Variants in ADGRB3 observed in about 807,000 individuals in gnomAD.
ADGRB3 encodes adhesion G protein-coupled receptor B3, also known as brain-specific angiogenesis inhibitor 3.
A neutral mutation model predicts 193.4 loss-of-function variants in ADGRB3; 37 were observed. The ratio of observed to expected loss-of-function variants is 0.19; its 90% CI spans 0.15 to 0.25. ADGRB3 has a LOEUF of 0.25. Ranked by LOEUF, ADGRB3 falls within the 10% of genes least tolerant of loss-of-function variation. ADGRB3 has a pLI of 1.00. For synonymous variants in ADGRB3, 690 were observed against 644.2 expected (o/e 1.07, Z -1.08); for missense variants, 1,637 against 1,852.9 (o/e 0.88, Z 2.14).
At chr6:68,687,525 C>A (rs1248134430) in intron 3 of ADGRB3, among the ~76,000 whole-genome samples, 1 of 151,882 alleles carries the variant, frequency 6.6e-6, no homozygotes, top group Non-Finnish European at 1.5e-5. Context: ...ATGTTTGTGT[C>A]TAAATTTTGG....
intron 17 of ADGRB3, among the ~76,000 whole-genome samples, chr6:69,167,892 C>A (rs537949584): frequency 3.3e-5 from 5 of 152,176 alleles, no homozygotes; most frequent in African/African-American, 9.6e-5. Context: ...TTTTAGGCAG[C>A]CTCAATGAGT....
chr6:68,911,323 C>T (rs1378608788), intron 3 of ADGRB3, among the ~76,000 whole-genome samples: 6 of 151,282 alleles, frequency 4.0e-5, no homozygotes, highest in East Asian at 2.0e-4. Context: ...TGTTAAATAA[C>T]GAGTTAATGG....
At chr6:68,908,296 G>C (rs985637307) in intron 3 of ADGRB3, among the ~76,000 whole-genome samples, 7 of 151,890 alleles carry the variant, frequency 4.6e-5, no homozygotes, top group Non-Finnish European at 1.0e-4. Context: ...GAAATGGTTT[G>C]ATATTTAAGG....
chr6:69,048,085 A>C (rs1771289285), intron 13 of ADGRB3, 100 bp from the exon 14 acceptor site: 1 of 1,283,476 alleles, frequency 7.8e-7, no homozygotes, highest in South Asian at 1.4e-5. Flanking sequence ...TTTGACTTGA[A>C]ATTTTATTTT....
intron 17 of ADGRB3, among the ~76,000 whole-genome samples, chr6:69,096,073 T>C (rs1772867391): frequency 6.6e-6 from 1 of 152,228 alleles, no homozygotes; most frequent in Non-Finnish European, 1.5e-5. Flanking sequence ...ACATTTCATT[T>C]TTTTAGTGCA....
At chr6:68,941,343 GA>G (rs576626284) in intron 5 of ADGRB3, among the ~76,000 whole-genome samples, 3 of 151,750 alleles carry the variant, frequency 2.0e-5, no homozygotes, top group South Asian at 2.1e-4. Context: ...CTTGTCAAAT[GA>G]AAAAAAATCT....
At chr6:68,777,668 TAAAA>T (rs561834409) in intron 3 of ADGRB3, among the ~76,000 whole-genome samples, 4 of 78,070 alleles carry the variant, frequency 5.1e-5, no homozygotes, top group Admixed American at 1.5e-4. Flanking sequence ...CTCTGGGATC[TAAAA>T]AAAAAAAAAA....
rs1256783875 is a variant in ADGRB3, at chr6:69,261,335, G to GA, written c.2814+22115dup. Among the ~76,000 whole-genome samples, 7 of 152,090 alleles carry GA rather than the reference G, an allele frequency of 4.6e-5. No homozygotes were observed. The South Asian group carries it at 1.5e-3, about 32-fold the overall frequency. On this transcript the variant is annotated intron_variant, in intron 20 of 31. Transcript: ENST00000370598. ...GATTTGTAGGTTTTATAAGCAGAAT[G>GA]AAAAAACTTCAAGATACTTCTTTAG...
chr6:69,149,311 A>AT (rs1254205547), intron 17 of ADGRB3, among the ~76,000 whole-genome samples: 4 of 151,562 alleles, frequency 2.6e-5, no homozygotes, highest in Admixed American at 2.0e-4. Flanking sequence ...TGCTTGGTGA[A>AT]TTTTTCCATT....
At chr6:68,910,160 T>C (rs1766659968) in intron 3 of ADGRB3, among the ~76,000 whole-genome samples, 1 of 152,360 alleles carries the variant, frequency 6.6e-6, no homozygotes, top group African/African-American at 2.4e-5. Flanking sequence ...TGGCCAGTGA[T>C]GATGAGCATT....
chr6:69,078,998 A>G (rs1251222192), intron 17 of ADGRB3, among the ~76,000 whole-genome samples: 2 of 152,048 alleles, frequency 1.3e-5, no homozygotes, highest in Non-Finnish European at 2.9e-5. Flanking sequence ...TCTCTATTTG[A>G]TTTTATCAGT....
chr6:69,068,381 A>G (rs1458546924), intron 16 of ADGRB3, among the ~76,000 whole-genome samples: 7 of 152,226 alleles, frequency 4.6e-5, no homozygotes, highest in African/African-American at 1.7e-4. Flanking sequence ...TATAAAATCT[A>G]GTTATTTAAT....
intron 3 of ADGRB3, among the ~76,000 whole-genome samples, chr6:68,742,284 G>A (rs1199113021): frequency 6.6e-6 from 1 of 151,778 alleles, no homozygotes; most frequent in Non-Finnish European, 1.5e-5. Flanking sequence ...TAAGCACACT[G>A]TTTATATATT....
intron 13 of ADGRB3, among the ~76,000 whole-genome samples, chr6:69,043,064 T>G (rs1042578557): frequency 6.6e-6 from 1 of 152,138 alleles, no homozygotes; most frequent in African/African-American, 2.4e-5. Context: ...TTTATGGTCT[T>G]GGCTGCAGTG....
chr6:69,031,571 C>CTTTCTTTCTCT (rs1337493560), intron 13 of ADGRB3, among the ~76,000 whole-genome samples: 13 of 106,906 alleles, frequency 1.2e-4, no homozygotes, highest in Non-Finnish European at 1.7e-4. Flanking sequence ...TTCTTTTCTT[C>CTTTCTTTCTCT]CTCTGTCTCT....
At chr6:69,281,110 A>C in intron 20 of ADGRB3, among the ~76,000 whole-genome samples, 1 of 152,278 alleles carries the variant, frequency 6.6e-6, no homozygotes, top group East Asian at 1.9e-4. Flanking sequence ...CACAGACCAT[A>C]GAACAACTTT....
chr6:68,842,340 A>T (rs1768174918), intron 3 of ADGRB3, among the ~76,000 whole-genome samples: 1 of 151,988 alleles, frequency 6.6e-6, no homozygotes, highest in Admixed American at 6.6e-5. Flanking sequence ...AGACAATACA[A>T]CTGATACTAT....
rs1233990708 is a variant in ADGRB3 at position 68,730,168 on chromosome 6, TTAAATGTACAG to T, written c.757+90742_757+90752del. Among the ~76,000 whole-genome samples the T allele has an allele frequency of 2.0e-5, 3 of 151,658 alleles. No homozygotes were observed. The Admixed American group carries it at 2.0e-4, about 10-fold the overall frequency. On this transcript the variant is annotated intron_variant, in intron 3 of 31. Coordinates refer to ENST00000370598, the MANE Select transcript of ADGRB3 (RefSeq NM_001704.3). ...TGAATACTTAAATTCTTATATTTAG[TTAAATGTACAG>T]TAAATTAATATTTAAATTTTAGTGG... is the stretch of plus-strand genomic sequence containing the variant.
At chr6:68,820,917 A>T (rs1171685898) in intron 3 of ADGRB3, among the ~76,000 whole-genome samples, 1 of 152,072 alleles carries the variant, frequency 6.6e-6, no homozygotes, top group Non-Finnish European at 1.5e-5. Context: ...ATATTCAAAA[A>T]GTCATATACA....
Sources: allele counts gnomAD v4.1 joint callset (sites outside exome capture counted in the v4.1 genomes callset), GRCh38; gene constraint gnomAD v4.1.1; transcripts MANE v1.5; gene names NCBI Gene and HGNC (gene_info 2026-07-23, HGNC 2026-07-21).